The following CADM1 variants were observed in gnomAD, a reference collection of about 807,000 sequenced individuals.
The protein encoded by CADM1 is TSLC-1.
In CADM1, 15 loss-of-function variants were observed where a neutral mutation model predicts 53.1. That is an observed-to-expected ratio of 0.28 (90% CI 0.19 to 0.44). The LOEUF is 0.44. Ranked by LOEUF, CADM1 falls within the 20% of genes least tolerant of loss-of-function variation. The pLI, the probability that CADM1 is intolerant of heterozygous loss-of-function variation, is 1.00. For synonymous variants in CADM1, 281 were observed against 243.0 expected (o/e 1.16, Z -1.45); for missense variants, 434 against 611.3 (o/e 0.71, Z 3.06).
At chr11:115,365,913 C>A (rs1164203547) in intron 1 of CADM1, among the ~76,000 whole-genome samples, 1 of 152,160 alleles carries the variant, frequency 6.6e-6, no homozygotes, top group Admixed American at 6.5e-5. Context: ...CCAAGTGTCC[C>A]ACACGGTCAC....
chr11:115,226,097 A>G (rs1158372273), intron 5 of CADM1, among the ~76,000 whole-genome samples: 3 of 152,224 alleles, frequency 2.0e-5, no homozygotes, highest in Non-Finnish European at 4.4e-5. Flanking sequence ...CACCGAGAAC[A>G]TAAGAAATCT....
chr11:115,294,014 T>C (rs1161529487), intron 1 of CADM1, among the ~76,000 whole-genome samples: 1 of 152,134 alleles, frequency 6.6e-6, no homozygotes, highest in Non-Finnish European at 1.5e-5. Context: ...AAGAATCAGA[T>C]ATTGAGATTC....
At chr11:115,463,310 C>T (rs1948833450) in intron 1 of CADM1, among the ~76,000 whole-genome samples, 1 of 152,080 alleles carries the variant, frequency 6.6e-6, no homozygotes, top group Non-Finnish European at 1.5e-5. Flanking sequence ...AATGTCTTTC[C>T]TCCAGAAAAA....
At chr11:115,476,861 C>T (rs1321120577) in intron 1 of CADM1, among the ~76,000 whole-genome samples, 1 of 152,198 alleles carries the variant, frequency 6.6e-6, no homozygotes. Flanking sequence ...AGCATGCTGA[C>T]GTCCACTGAA....
chr11:115,488,417 T>C (rs1321510576), intron 1 of CADM1, among the ~76,000 whole-genome samples: 1 of 152,116 alleles, frequency 6.6e-6, no homozygotes, highest in African/African-American at 2.4e-5. Context: ...AGTTATTGAG[T>C]AGGCATCACT....
At chr11:115,227,430 C>T (rs1941652046) in intron 5 of CADM1, among the ~76,000 whole-genome samples, 1 of 152,038 alleles carries the variant, frequency 6.6e-6, no homozygotes, top group African/African-American at 2.4e-5. Flanking sequence ...TGGGAAAATA[C>T]TGAAAGAGTT....
At chr11:115,447,222 A>G (rs1327670066) in intron 1 of CADM1, among the ~76,000 whole-genome samples, 3 of 152,238 alleles carry the variant, frequency 2.0e-5, no homozygotes, top group African/African-American at 4.8e-5. Flanking sequence ...TATTCCAAAA[A>G]GGCTGATGGA....
intron 1 of CADM1, among the ~76,000 whole-genome samples, chr11:115,280,259 A>T (rs1943552393): frequency 6.6e-6 from 1 of 152,206 alleles, no homozygotes; most frequent in African/African-American, 2.4e-5. Context: ...CTATTGGACA[A>T]TAGAGACTCA....
chr11:115,359,086 C>G (rs1172721374), intron 1 of CADM1, among the ~76,000 whole-genome samples: 1 of 152,114 alleles, frequency 6.6e-6, no homozygotes, highest in African/African-American at 2.4e-5. Context: ...TGTTAATATA[C>G]TACAAAATGA....
chr11:115,226,537 G>A (rs916744888), intron 5 of CADM1, among the ~76,000 whole-genome samples: 11 of 152,152 alleles, frequency 7.2e-5, no homozygotes, highest in African/African-American at 2.4e-4. Context: ...ACTCCTCACA[G>A]GCATCCAAAA....
intron 1 of CADM1, among the ~76,000 whole-genome samples, chr11:115,288,170 G>C (rs1274934570): frequency 6.6e-6 from 1 of 152,078 alleles, no homozygotes; most frequent in Non-Finnish European, 1.5e-5. Flanking sequence ...GGCCCTACAG[G>C]GAGAATGGCC....
At position 115,174,626 on chromosome 11, in the gene CADM1, A is replaced by G; in HGVS notation, c.*1848T>C. ...AAATAAACATGTTTTCAAATAACAAAGAGTTGACACTTTTTCCCCCTTAAA... is the reference window on the plus strand; with the variant it reads ...AAATAAACATGTTTTCAAATAACAAGGAGTTGACACTTTTTCCCCCTTAAA... On this transcript the variant is annotated 3_prime_UTR_variant, in exon 12 of 12. Coordinates refer to ENST00000331581, the MANE Select transcript of CADM1 (RefSeq NM_001301043.2). 1 of 984,450 alleles carries G rather than the reference A, an allele frequency of 1.0e-6. No homozygotes were observed. Among genetic ancestry groups the G allele is most frequent in the African/African-American group, 1.7e-5 (1 of 57,314 alleles). 61.0% of individuals were successfully genotyped at this position (984,450 alleles called of 1,614,324 possible).
chr11:115,411,085 T>C (rs1187910921), intron 1 of CADM1, among the ~76,000 whole-genome samples: 1 of 152,230 alleles, frequency 6.6e-6, no homozygotes, highest in Non-Finnish European at 1.5e-5. Context: ...CTGCCATGAC[T>C]CTATGTAATT....
At chr11:115,187,892 T>C (rs1939653174) in intron 10 of CADM1, among the ~76,000 whole-genome samples, 1 of 152,202 alleles carries the variant, frequency 6.6e-6, no homozygotes, top group Admixed American at 6.5e-5. Flanking sequence ...TTTTGGATCG[T>C]GAGGGACATG....
chr11:115,342,260 C>A (rs1249062144), intron 1 of CADM1, among the ~76,000 whole-genome samples: 1 of 152,166 alleles, frequency 6.6e-6, no homozygotes, highest in Non-Finnish European at 1.5e-5. Flanking sequence ...TTAAAGTAAT[C>A]ATGGAGAACC....
chr11:115,416,063 T>C (rs1322727504), intron 1 of CADM1, among the ~76,000 whole-genome samples: 3 of 152,184 alleles, frequency 2.0e-5, no homozygotes, highest in African/African-American at 7.2e-5. Flanking sequence ...CAATTCATTA[T>C]TATCTACTGT....
At chr11:115,298,411 A>G (rs45581535) in intron 1 of CADM1, among the ~76,000 whole-genome samples, 3,895 of 152,336 alleles carry the variant, frequency 0.026, 100 homozygotes, top group South Asian at 0.091. Flanking sequence ...GAGAAAGACG[A>G]TGAGACCCAG....
chr11:115,194,520 C>T (rs1327938727), intron 9 of CADM1, among the ~76,000 whole-genome samples: 1 of 152,120 alleles, frequency 6.6e-6, no homozygotes, highest in Non-Finnish European at 1.5e-5. Context: ...TGCGTCTTAC[C>T]ACAATTGCAT....
chr11:115,229,404 G>C (rs985477018), intron 4 of CADM1, 133 bp from the exon 5 acceptor site: 2 of 811,962 alleles, frequency 2.5e-6, no homozygotes, highest in Middle Eastern at 2.9e-4. Context: ...CTTGGGATGA[G>C]AGTAACCTGT....
Sources: gnomAD v4.1 joint callset for allele counts (sites outside exome capture counted in the v4.1 genomes callset) on GRCh38, gnomAD v4.1.1 for gene constraint, MANE v1.5 for transcripts, NCBI Gene and HGNC (gene_info 2026-07-23, HGNC 2026-07-21) for gene names.